The following NRG3 variants were observed in gnomAD, a reference collection of about 807,000 sequenced individuals.
NRG3 encodes the protein neuregulin 3.
Under a neutral mutation model 66.9 loss-of-function variants are expected in NRG3, and 31 were observed. That is an observed-to-expected ratio of 0.46 (90% confidence interval 0.35 to 0.63). The LOEUF is 0.63. Among genes scored for constraint, NRG3 ranks in the 20% least tolerant of loss-of-function variants. NRG3 has a pLI of 0.00. For synonymous variants in NRG3, 393 were observed against 359.4 expected, an observed-to-expected ratio of 1.09 and a Z score of -1.06; for missense variants, 910 against 878.9, an observed-to-expected ratio of 1.04 and a Z score of -0.45.
rs559336005 is a variant in NRG3, at chr10:82,407,930, A to G, written c.953+49062A>G. ...CTAAAAATACAAAAATTAGTCAGGC[A>G]TGATGGTGCGTGCCTCTAGTGCCAG... On this transcript the variant is annotated intron_variant, in intron 2 of 8. Transcript: ENST00000372141. Among the ~76,000 whole-genome samples, 8 of 151,784 alleles carry G rather than the reference A, an allele frequency of 5.3e-5. No homozygotes were observed. In the East Asian group the frequency reaches 1.6e-3, roughly 30 times the overall value.
chr10:82,604,970 T>C (rs752564359), intron 2 of NRG3, among the ~76,000 whole-genome samples: 3 of 152,142 alleles, frequency 2.0e-5, no homozygotes, highest in Non-Finnish European at 4.4e-5. Flanking sequence ...AATAGTTCTT[T>C]ACTGAATCAT....
chr10:82,727,563 ATG>A (rs2057671570), intron 2 of NRG3, among the ~76,000 whole-genome samples: 1 of 152,360 alleles, frequency 6.6e-6, no homozygotes, highest in South Asian at 2.1e-4. Context: ...ATTTCAGAGG[ATG>A]TATGCAAATG....
Position 82,973,913 on chromosome 10 carries a change from C to G in NRG3, c.1410C>G (p.His470Gln), listed in dbSNP as rs908657257. Residue 470 changes from histidine (H) to glutamine (Q), a missense_variant and splice_region_variant, in exon 7 of 9, where the codon CAC becomes CAG. By Grantham distance (24) the His-to-Gln change is conservative. Coordinates refer to ENST00000372141, the MANE Select transcript of NRG3 (RefSeq NM_001010848.4). ...PDRGSQSVKH[H>Q]RSLSSCCSPG... The stretch of plus-strand genomic sequence containing the variant: ...GAGGAAGCCAGTCTGTCAAACACCA[C>G]AGGTACAAGTAGCTCATCATGGTGG... 6.2e-6 allele frequency: 10 copies of G among 1,613,800 alleles called. No individual in the cohort carries two copies. Among genetic ancestry groups the G allele is most frequent in the African/African-American group, 5.3e-5 (4 of 74,900 alleles).
chr10:82,984,629 C>T (rs1264484555), intron 8 of NRG3, among the ~76,000 whole-genome samples: 3 of 152,100 alleles, frequency 2.0e-5, no homozygotes, highest in Non-Finnish European at 2.9e-5. Context: ...TGATTGGCTT[C>T]GACTAGGGTG....
intron 1 of NRG3, among the ~76,000 whole-genome samples, chr10:81,972,000 A>C (rs550089969): frequency 6.6e-6 from 1 of 152,134 alleles, no homozygotes; most frequent in Non-Finnish European, 1.5e-5. Flanking sequence ...TGGGAACAAT[A>C]CCTGACACTC....
At chr10:82,632,967 T>C in intron 2 of NRG3, among the ~76,000 whole-genome samples, 1 of 152,186 alleles carries the variant, frequency 6.6e-6, no homozygotes, top group Non-Finnish European at 1.5e-5. Context: ...TAGTCTTTGA[T>C]GCAGTGGCTC....
At chr10:81,942,167 G>T (rs1168233866) in intron 1 of NRG3, among the ~76,000 whole-genome samples, 1 of 152,068 alleles carries the variant, frequency 6.6e-6, no homozygotes, top group African/African-American at 2.4e-5. Flanking sequence ...TTTACAAAGT[G>T]AAGACTCCAA....
intron 4 of NRG3, among the ~76,000 whole-genome samples, chr10:82,916,876 A>G (rs7921395): frequency 3.3e-5 from 5 of 152,192 alleles, no homozygotes; most frequent in Non-Finnish European, 7.3e-5. Context: ...TCAGCCTCCC[A>G]AAGTGCTGGG....
At chr10:82,305,902 G>T (rs367796557) in intron 1 of NRG3, among the ~76,000 whole-genome samples, 2 of 152,176 alleles carry the variant, frequency 1.3e-5, no homozygotes, top group East Asian at 3.9e-4. Context: ...TGGTGACTGG[G>T]GATATTGTTT....
chr10:82,724,529 A>T (rs1042266237), intron 2 of NRG3, among the ~76,000 whole-genome samples: 3 of 152,110 alleles, frequency 2.0e-5, no homozygotes, highest in Non-Finnish European at 4.4e-5. Flanking sequence ...GGGTTTGGCA[A>T]CTCTAGGGGT....
intron 2 of NRG3, among the ~76,000 whole-genome samples, chr10:82,456,110 T>G (rs2091255063): frequency 6.6e-6 from 1 of 151,174 alleles, no homozygotes; most frequent in Admixed American, 6.6e-5. Flanking sequence ...TCTTAAGCTT[T>G]TTACTATTTA....
At chr10:82,872,140 A>C (rs1841397429) in intron 4 of NRG3, among the ~76,000 whole-genome samples, 1 of 152,114 alleles carries the variant, frequency 6.6e-6, no homozygotes, top group African/African-American at 2.4e-5. Flanking sequence ...ATTTTGTCAA[A>C]TGCTTTCTTT....
intron 1 of NRG3, among the ~76,000 whole-genome samples, chr10:81,964,518 T>A (rs2059657582): frequency 6.6e-6 from 1 of 152,092 alleles, no homozygotes; most frequent in Non-Finnish European, 1.5e-5. Flanking sequence ...CCCCTACAGA[T>A]GAACGTTGAG....
At position 81,935,181 on chromosome 10, in the gene NRG3, G is replaced by A. The variant is rs117400892; in HGVS notation, c.823+59018G>A. ...AATTTTCCAGATAAATATGGAATTC[G>A]CTTTTTTATGTTGTTCTTTAGAGAG... is the stretch of plus-strand genomic sequence containing the variant. On this transcript the variant is annotated intron_variant, in intron 1 of 8. Transcript: ENST00000372141. Among the ~76,000 whole-genome samples the A allele has an allele frequency of 8.0e-3, 1,225 of 152,210 alleles. 4 individuals are homozygous for A. Among genetic ancestry groups the A allele is most frequent in the Non-Finnish European group, 0.013 (875 of 68,008 alleles).
intron 3 of NRG3, among the ~76,000 whole-genome samples, chr10:82,747,154 C>G (rs894231394): frequency 2.0e-5 from 3 of 151,988 alleles, no homozygotes; most frequent in Non-Finnish European, 4.4e-5. Flanking sequence ...TTCTACTTCC[C>G]ACTCAATATA....
intron 1 of NRG3, among the ~76,000 whole-genome samples, chr10:82,032,474 G>A (rs2062615668): frequency 6.6e-6 from 1 of 151,906 alleles, no homozygotes; most frequent in Non-Finnish European, 1.5e-5. Context: ...AAATGCAATG[G>A]AGGGAACAGA....
At chr10:82,033,273 C>T (rs1291691998) in intron 1 of NRG3, among the ~76,000 whole-genome samples, 1 of 152,150 alleles carries the variant, frequency 6.6e-6, no homozygotes, top group African/African-American at 2.4e-5. Context: ...ATGAGATTTC[C>T]TGGAATAATG....
At chr10:82,077,641 A>G (rs948569228) in intron 1 of NRG3, among the ~76,000 whole-genome samples, 2 of 152,212 alleles carry the variant, frequency 1.3e-5, no homozygotes, top group African/African-American at 4.8e-5. Flanking sequence ...GATTTGACCA[A>G]TTCCTAAGGG....
chr10:81,997,853 C>G (rs562362858), intron 1 of NRG3, among the ~76,000 whole-genome samples: 19 of 145,308 alleles, frequency 1.3e-4, no homozygotes, highest in African/African-American at 3.7e-4. Context: ...CCCCACCCCC[C>G]ACCAAAGGCC....
Sources: allele counts gnomAD v4.1 joint callset (sites outside exome capture counted in the v4.1 genomes callset), GRCh38; gene constraint gnomAD v4.1.1; transcripts MANE v1.5; gene names NCBI Gene and HGNC (gene_info 2026-07-23, HGNC 2026-07-21).